Variants in SMCO2 observed in about 807,000 individuals in gnomAD.
The protein encoded by SMCO2 is single-pass membrane and coiled-coil domain-containing protein 2.
Under a neutral mutation model 29.5 loss-of-function variants are expected in SMCO2, and 25 were observed. The observed-to-expected ratio is 0.85, with a 90% CI of 0.62 to 1.18. The LOEUF (loss-of-function observed/expected upper bound fraction) is 1.18, where lower values mean the gene tolerates loss of function less well. Among genes scored for constraint, SMCO2 ranks in the 50% most tolerant of loss-of-function variants. The probability of loss-of-function intolerance (pLI) is 0.00; values close to 1 mark genes in which losing one functional copy is unlikely to be tolerated. For missense variants in SMCO2, 348 were observed against 344.5 expected, an observed-to-expected ratio of 1.01 and a Z score of -0.08; for synonymous variants, 117 against 123.3, an observed-to-expected ratio of 0.95 and a Z score of 0.34.
the SMCO2 span, among the ~76,000 whole-genome samples, chr12:27,456,323 T>G: frequency 0.64 from 97,093 of 152,198 alleles, 31,174 homozygotes; most frequent in Middle Eastern, 0.73. Flanking sequence ...TGCACATCAA[T>G]ATAGTGATAC....
In SMCO2 at chr12:27,501,457, A is replaced by C. The variant is rs971266120; in HGVS notation, c.684-466A>C. ...AAAAAACAAACAAACAAAACAAAACAAAAAAAGCTTCTATTATTTTACAAA... is the reference window on the plus strand; with the variant it reads ...AAAAAACAAACAAACAAAACAAAACCAAAAAAGCTTCTATTATTTTACAAA... On this transcript the variant is annotated intron_variant, in intron 7 of 7. Transcript: ENST00000298876. Among the ~76,000 whole-genome samples the C allele has an allele frequency of 2.5e-4, 37 of 149,668 alleles. 4 individuals carry two copies. Among genetic ancestry groups the C allele is most frequent in the African/African-American group, 8.5e-4 (34 of 39,842 alleles).
chr12:27,460,456 G>A, the SMCO2 span, among the ~76,000 whole-genome samples: 3 of 152,126 alleles, frequency 2.0e-5, no homozygotes, highest in African/African-American at 4.8e-5. Context: ...AAGTAAGCTA[G>A]TGAAAAGAAA....
At chr12:27,432,604 G>T in the SMCO2 span, among the ~76,000 whole-genome samples, 1 of 152,178 alleles carries the variant, frequency 6.6e-6, no homozygotes, top group East Asian at 1.9e-4. Flanking sequence ...TACATCTCCA[G>T]CAGGTGCAGC....
chr12:27,440,374 GA>G, the SMCO2 span, among the ~76,000 whole-genome samples: 16,705 of 151,750 alleles, frequency 0.11, 1,742 homozygotes, highest in African/African-American at 0.28. Flanking sequence ...CAATCTGAAA[GA>G]AAAAAAACAC....
chr12:27,494,806 C>G (rs1028215587), intron 6 of SMCO2, among the ~76,000 whole-genome samples: 1 of 151,938 alleles, frequency 6.6e-6, no homozygotes, highest in African/African-American at 2.4e-5. Flanking sequence ...GGTTTCTAGT[C>G]TTATGGCCTT....
the SMCO2 span, among the ~76,000 whole-genome samples, chr12:27,449,701 GCACTGATAACAC>G: frequency 1.3e-5 from 2 of 152,216 alleles, no homozygotes; most frequent in Admixed American, 1.3e-4. Flanking sequence ...ATTGAGTGAT[GCACTGATAACAC>G]CAATTATGTC....
intron 4 of SMCO2, among the ~76,000 whole-genome samples, chr12:27,477,730 G>T (rs1474762809): frequency 1.4e-5 from 2 of 143,070 alleles, no homozygotes; most frequent in Non-Finnish European, 3.0e-5. Flanking sequence ...TATTATTTCA[G>T]CTCTTTATTA....
upstream of SMCO2, among the ~76,000 whole-genome samples, chr12:27,464,792 CG>C (rs1212131479): frequency 6.8e-6 from 1 of 146,232 alleles, no homozygotes; most frequent in African/African-American, 2.6e-5. Flanking sequence ...GAGGCCGAGA[CG>C]GGTGGATCAC....
At chr12:27,474,949 A>G (rs192097513) in intron 4 of SMCO2, 36 bp downstream of exon 4, 6 of 1,543,026 alleles carry the variant, frequency 3.9e-6, no homozygotes, top group Non-Finnish European at 5.2e-6. Flanking sequence ...AGCATTTAAT[A>G]ATGTGTGGAG....
In SMCO2 at chr12:27,499,842, A is replaced by G. The variant is rs147891056; in HGVS notation, c.684-2081A>G. On this transcript the variant is annotated intron_variant, in intron 7 of 7. Coordinates refer to ENST00000298876, the Ensembl canonical transcript of SMCO2. ...GAAGTTTGCCTTATGGATTAATTCA[A>G]TCATTATGAATCGATTTTTGCTGGT... Among the ~76,000 whole-genome samples the G allele has an allele frequency of 1.7e-3, 251 of 150,612 alleles. 21 individuals are homozygous for G. Among genetic ancestry groups the G allele is most frequent in the African/African-American group, 6.1e-3 (245 of 40,254 alleles).
chr12:27,430,199 G>A, the SMCO2 span, among the ~76,000 whole-genome samples: 1 of 152,150 alleles, frequency 6.6e-6, no homozygotes, highest in Non-Finnish European at 1.5e-5. Flanking sequence ...AGTAATGGTG[G>A]TGGTGGGCAG....
At chr12:27,462,820 A>C (rs1236618430), upstream of SMCO2, among the ~76,000 whole-genome samples, 1 of 152,248 alleles carries the variant, frequency 6.6e-6, no homozygotes, top group Non-Finnish European at 1.5e-5. Context: ...GGGAATATAA[A>C]TCAACACATA....
intron 6 of SMCO2, among the ~76,000 whole-genome samples, chr12:27,495,048 C>G (rs571898118): frequency 6.6e-6 from 1 of 152,262 alleles, no homozygotes; most frequent in East Asian, 1.9e-4. Context: ...ACTCCTCCCA[C>G]AAGATCTTAG....
At chr12:27,430,948 C>A in the SMCO2 span, among the ~76,000 whole-genome samples, 7 of 152,076 alleles carry the variant, frequency 4.6e-5, no homozygotes, top group Non-Finnish European at 1.0e-4. Flanking sequence ...CTCGGGGACC[C>A]TAACCCCCTG....
intron 4 of SMCO2, 140 bp from the exon 6 acceptor site, chr12:27,488,320 T>G (rs1327549179): frequency 2.1e-6 from 1 of 466,986 alleles, no homozygotes; most frequent in African/African-American, 2.0e-5. Flanking sequence ...GAATTTCATT[T>G]ACTTCCCATT....
At chr12:27,495,783 A>G (rs1418152089) in exon 7 of SMCO2, 1 of 1,539,792 alleles carries the variant, frequency 6.5e-7, no homozygotes, top group Admixed American at 2.0e-5. Flanking sequence ...GATACGGAAG[A>G]GATGGAGGCC....
the SMCO2 span, among the ~76,000 whole-genome samples, chr12:27,446,875 A>C: frequency 1.3e-5 from 2 of 152,106 alleles, no homozygotes; most frequent in African/African-American, 4.8e-5. Context: ...AAGTTCCCTG[A>C]TGCTTTTGCT....
At chr12:27,461,799 C>A in the SMCO2 span, among the ~76,000 whole-genome samples, 1 of 152,216 alleles carries the variant, frequency 6.6e-6, no homozygotes, top group Non-Finnish European at 1.5e-5. Context: ...CCCTGGAAAT[C>A]TTTCTTCCCT....
At chr12:27,494,069 T>C (rs1188752179) in intron 5 of SMCO2, 1 of 284,650 alleles carries the variant, frequency 3.5e-6, no homozygotes. Flanking sequence ...TGTAAATGCA[T>C]ACCTCTAAAG....
Sources: gnomAD v4.1 joint callset for allele counts (sites outside exome capture counted in the v4.1 genomes callset) on GRCh38, gnomAD v4.1.1 for gene constraint, MANE v1.5 for transcripts, NCBI Gene and HGNC (gene_info 2026-07-23, HGNC 2026-07-21) for gene names.